PIEZO1: variants seen among roughly 807,000 people sequenced by gnomAD.
PIEZO1 encodes the protein piezo-type mechanosensitive ion channel component 1.
Under a neutral mutation model 297.2 loss-of-function variants are expected in PIEZO1, and 296 were observed. The observed-to-expected ratio is 1.00, with a 90% CI of 0.91 to 1.10. PIEZO1 has a LOEUF of 1.10. Ranked by LOEUF, PIEZO1 falls within the 50% of genes least tolerant of loss-of-function variation. PIEZO1 has a pLI of 0.00. For synonymous variants in PIEZO1, 2,427 were observed against 1,507.5 expected, an observed-to-expected ratio of 1.61 and a Z score of -14.13; for missense variants, 5,018 against 3,455.5, an observed-to-expected ratio of 1.45 and a Z score of -11.34.
chr16:88,722,786 G>A, intron 34 of PIEZO1, 51 bp downstream of exon 34: 2 of 1,532,830 alleles, frequency 1.3e-6, no homozygotes, highest in Admixed American at 2.0e-5. Flanking sequence ...TAAGCAGGCA[G>A]GGGCGTAGTC....
chr16:88,767,997 T>A (rs1828089259), intron 1 of PIEZO1, among the ~76,000 whole-genome samples: 1 of 152,124 alleles, frequency 6.6e-6, no homozygotes, highest in Admixed American at 6.5e-5. Flanking sequence ...TCCCTGAGAT[T>A]TCCCCCAGGC....
At position 88,715,992 on chromosome 16, in the gene PIEZO1, G is replaced by A. The variant is rs985360604; in HGVS notation, c.7257C>T (p.Pro2419=). Residue 2419 remains proline, a synonymous_variant, in exon 50 of 51, where the codon CCC becomes CCT. Coordinates refer to ENST00000301015, the MANE Select transcript of PIEZO1 (RefSeq NM_001142864.4). The stretch of plus-strand genomic sequence containing the variant: ...TGACCTTGTCACTGAAAATGACCAT[G>A]GGCAGCAGGTTGCAGTCGGTCCGGC... The part of the protein sequence containing the change: ...QECRTDCNLL[P]MVIFSDKVSP... The A allele has an allele frequency of 1.1e-5, 17 of 1,550,064 alleles. No individual in the cohort carries two copies. The African/African-American group carries it at 1.5e-4, about 14-fold the overall frequency.
At chr16:88,762,311 C>T (rs1256572365) in intron 1 of PIEZO1, among the ~76,000 whole-genome samples, 1 of 152,184 alleles carries the variant, frequency 6.6e-6, no homozygotes, top group Non-Finnish European at 1.5e-5. Context: ...AAAGTAAGAC[C>T]TCCCACTCAG....
chr16:88,778,770 G>C (rs2926771), intron 1 of PIEZO1, among the ~76,000 whole-genome samples: 42,088 of 152,042 alleles, frequency 0.28, 6,400 homozygotes, highest in East Asian at 0.42. Flanking sequence ...GTGGGTGTGC[G>C]ACCCCACACA....
intron 38 of PIEZO1, 40 bp from the exon 39 acceptor site, chr16:88,721,470 CTGG>C (rs1227014283): frequency 3.9e-6 from 6 of 1,539,166 alleles, no homozygotes; most frequent in Non-Finnish European, 5.3e-6. Flanking sequence ...CCTTGCCTCC[CTGG>C]TGGAGAGCAC....
chr16:88,733,116 G>C, intron 19 of PIEZO1, 162 bp downstream of exon 19: 3 of 664,772 alleles, frequency 4.5e-6, no homozygotes, highest in Non-Finnish European at 5.1e-6. Context: ...AGTTGAGGTC[G>C]AAGGATGCTG....
chr16:88,758,994 G>A (rs748970515), intron 1 of PIEZO1, among the ~76,000 whole-genome samples: 2 of 152,216 alleles, frequency 1.3e-5, no homozygotes, highest in Non-Finnish European at 2.9e-5. Flanking sequence ...CCAAGCTGTT[G>A]CGTCTGCTCC....
chr16:88,724,289 G>A (rs866393203), intron 30 of PIEZO1, among the ~76,000 whole-genome samples: 2 of 152,244 alleles, frequency 1.3e-5, no homozygotes, highest in Non-Finnish European at 1.5e-5. Context: ...CCAGCACTGT[G>A]GGAGGCTGAG....
chr16:88,720,803 T>C, intron 39 of PIEZO1, 55 bp from the exon 40 acceptor site: 4 of 1,446,358 alleles, frequency 2.8e-6, no homozygotes, highest in South Asian at 1.5e-5. Flanking sequence ...GCCTGGCTCA[T>C]GGCTCCTGAC....
At chr16:88,769,502 C>A (rs941093247) in intron 1 of PIEZO1, among the ~76,000 whole-genome samples, 3 of 152,246 alleles carry the variant, frequency 2.0e-5, no homozygotes, top group African/African-American at 7.2e-5. Context: ...GAAGACAGAC[C>A]TGCGGAACGC....
intron 44 of PIEZO1, chr16:88,719,237 T>G: frequency 1.5e-5 from 4 of 274,726 alleles, no homozygotes; most frequent in South Asian, 1.4e-4. Context: ...CGTGGGGGAG[T>G]GGTCTGACGC....
chr16:88,717,635 C>T, intron 44 of PIEZO1: 1 of 456,712 alleles, frequency 2.2e-6, no homozygotes, highest in Non-Finnish European at 4.4e-6. Flanking sequence ...GCGAAGGAAA[C>T]AAAGTAAACC....
intron 1 of PIEZO1, among the ~76,000 whole-genome samples, chr16:88,778,721 C>T (rs998053514): frequency 3.9e-5 from 6 of 152,192 alleles, no homozygotes; most frequent in African/African-American, 1.2e-4. Flanking sequence ...CAGCGTCCAC[C>T]GTGGAGAAAC....
rs750738 is a variant in PIEZO1, at chr16:88,741,377, G to A, written c.465+101C>T. On this transcript the variant is annotated intron_variant, in intron 5 of 50. Transcript: ENST00000301015. Reference sequence around the variant, plus strand: ...TTTAACACCAACTTACAACCAAAACGTCTACATCTGTTTTAAAAAGATTAA... The same window carrying A: ...TTTAACACCAACTTACAACCAAAACATCTACATCTGTTTTAAAAAGATTAA... 8,001 of 1,126,716 alleles carry A rather than the reference G, an allele frequency of 7.1e-3. 346 individuals are homozygous for A. The African/African-American group carries it at 0.1, about 14-fold the overall frequency. The allele number at this position is 1,126,716 out of a possible 1,614,324, so 69.8% of individuals were successfully genotyped here.
chr16:88,715,384 A>AAACTC lies in PIEZO1; in HGVS notation c.*216_*220dup. The stretch of plus-strand genomic sequence containing the variant: ...ATAAAACATTTTTTAATTAAAAAAA[A>AAACTC]AACTCTACAGTACACGTGGGGGACG... On this transcript the variant is annotated 3_prime_UTR_variant, in exon 51 of 51. Transcript: ENST00000301015. The AAACTC allele has an allele frequency of 9.0e-7, 1 of 1,109,408 alleles. No homozygotes were observed. The highest frequency in any genetic ancestry group is 2.7e-5 in the Admixed American group (1 of 37,022). 68.7% of individuals were successfully genotyped at this position (1,109,408 alleles called of 1,614,324 possible).
chr16:88,735,382 C>A (rs944522533), intron 12 of PIEZO1, 136 bp from the exon 13 acceptor site: 4 of 658,250 alleles, frequency 6.1e-6, no homozygotes, highest in Admixed American at 2.3e-5. Context: ...CGCAGCCTCC[C>A]CACAGGCACC....
chr16:88,717,313 T>C, intron 44 of PIEZO1, 102 bp from the exon 45 acceptor site: 1 of 1,046,796 alleles, frequency 9.6e-7, no homozygotes, highest in South Asian at 1.4e-5. Context: ...AGCCCCAGCC[T>C]GACCTCAGTA....
At position 88,720,677 on chromosome 16, in the gene PIEZO1, T is replaced by C. The variant is rs1246278163; in HGVS notation, c.5740A>G (p.Ser1914Gly). 14 of 1,546,402 alleles carry C rather than the reference T, an allele frequency of 9.1e-6. 1 individual carries two copies. The highest frequency in any genetic ancestry group is 1.7e-4 in the Middle Eastern group (1 of 5,964). The change falls in exon 40 of 51, where the codon AGC becomes GGC. Residue 1914 changes from serine (S) to glycine (G), a missense_variant. Coordinates refer to ENST00000301015, the MANE Select transcript of PIEZO1 (RefSeq NM_001142864.4). ...EAPTGREKRP[S>G]RSGGRVRAAG... ...GCCCTTACTCTTCCTCCAGAGCGGC[T>C]TGGCCTCTTCTCTCTCCCCGTGGGG... is the stretch of plus-strand genomic sequence containing the variant.
intron 1 of PIEZO1, among the ~76,000 whole-genome samples, chr16:88,776,306 C>T (rs1051454125): frequency 1.3e-5 from 2 of 152,050 alleles, no homozygotes; most frequent in Admixed American, 6.5e-5. Context: ...TGGTGGTGGG[C>T]GCCTGTAGTC....
Sources: allele counts gnomAD v4.1 joint callset (sites outside exome capture counted in the v4.1 genomes callset), GRCh38; gene constraint gnomAD v4.1.1; transcripts MANE v1.5; gene names NCBI Gene and HGNC (gene_info 2026-07-23, HGNC 2026-07-21).